Variants in KLF12 observed in about 807,000 individuals in gnomAD.
The protein encoded by KLF12 is Krueppel-like factor 12.
KLF12 carries 9 observed loss-of-function variants against 37.8 expected under a neutral mutation model. That is an observed-to-expected ratio of 0.24 (90% CI 0.14 to 0.42). The LOEUF (loss-of-function observed/expected upper bound fraction) is 0.42, where lower values mean the gene tolerates loss of function less well. KLF12 is among the 10% of genes least tolerant of loss of function. The probability of loss-of-function intolerance (pLI) is 1.00; values close to 1 mark genes in which losing one functional copy is unlikely to be tolerated. For synonymous variants in KLF12, 208 were observed against 202.1 expected (o/e 1.03, Z -0.25); for missense variants, 411 against 516.0 (o/e 0.80, Z 1.97).
At chr13:73,722,958 A>G (rs1876379929) in intron 6 of KLF12, among the ~76,000 whole-genome samples, 1 of 152,224 alleles carries the variant, frequency 6.6e-6, no homozygotes, top group South Asian at 2.1e-4. Flanking sequence ...CTTAAATATA[A>G]CAGCAGCCAC....
At chr13:74,246,303 C>CA in the KLF12 span, among the ~76,000 whole-genome samples, 1 of 152,174 alleles carries the variant, frequency 6.6e-6, no homozygotes, top group Non-Finnish European at 1.5e-5. Context: ...TTCTTGTACT[C>CA]AGAGTGTCAG....
intron 6 of KLF12, among the ~76,000 whole-genome samples, chr13:73,757,645 G>A (rs1879262903): frequency 6.6e-6 from 1 of 152,202 alleles, no homozygotes; most frequent in African/African-American, 2.4e-5. Context: ...CTGGCACATG[G>A]AGCATTCCTG....
rs142366248 is a variant in KLF12 at position 73,785,335 on chromosome 13, A to G, written c.807-20335T>C. On this transcript the variant is annotated intron_variant, in intron 5 of 7. Coordinates refer to ENST00000377669, the MANE Select transcript of KLF12 (RefSeq NM_007249.5). Reference sequence around the variant, plus strand: ...CCCTATGTTATCCAGGCTGGTCTTGAACTTCTGGACTCAAGTGATCCGCTC... The same window carrying G: ...CCCTATGTTATCCAGGCTGGTCTTGGACTTCTGGACTCAAGTGATCCGCTC... Among the ~76,000 whole-genome samples, 355 of 151,962 alleles carry G rather than the reference A, an allele frequency of 2.3e-3. 1 individual carries two copies. Among genetic ancestry groups the G allele is most frequent in the African/African-American group, 2.9e-3 (119 of 41,480 alleles).
intron 1 of KLF12, among the ~76,000 whole-genome samples, chr13:74,044,643 G>A (rs1236681338): frequency 6.6e-6 from 1 of 151,974 alleles, no homozygotes; most frequent in Non-Finnish European, 1.5e-5. Flanking sequence ...TCAGGAGATC[G>A]AGACCATCCT....
the KLF12 span, chr13:74,231,797 T>C: frequency 1.3e-5 from 2 of 152,176 alleles, no homozygotes; most frequent in African/African-American, 4.8e-5. Flanking sequence ...GAATTATTAT[T>C]ATATGCTTGC....
chr13:73,829,564 T>C (rs766439464), intron 4 of KLF12, among the ~76,000 whole-genome samples: 8 of 152,190 alleles, frequency 5.3e-5, no homozygotes, highest in East Asian at 1.9e-4. Context: ...CATTTATACA[T>C]AGATGCATAA....
intron 1 of KLF12, among the ~76,000 whole-genome samples, chr13:74,069,300 C>T (rs916996840): frequency 1.7e-4 from 26 of 152,124 alleles, no homozygotes; most frequent in African/African-American, 6.0e-4. Context: ...TGACTATGCA[C>T]CGATCCTGGA....
At chr13:74,080,786 T>G (rs929974197) in intron 1 of KLF12, among the ~76,000 whole-genome samples, 19 of 152,242 alleles carry the variant, frequency 1.2e-4, no homozygotes, top group African/African-American at 4.3e-4. Context: ...ACATAAAGTA[T>G]TTCTATAAGC....
chr13:73,762,412 T>A (rs1360342100), intron 6 of KLF12, among the ~76,000 whole-genome samples: 2 of 152,198 alleles, frequency 1.3e-5, no homozygotes, highest in Non-Finnish European at 1.5e-5. Context: ...AAACACTGGT[T>A]TGGGAACTCA....
chr13:74,012,032 AC>A (rs2138370792), intron 1 of KLF12, among the ~76,000 whole-genome samples: 1 of 152,226 alleles, frequency 6.6e-6, no homozygotes, highest in African/African-American at 2.4e-5. Flanking sequence ...TTTTATATAG[AC>A]CTTAAAACAT....
At chr13:73,763,790 AG>A (rs1566351108) in intron 6 of KLF12, among the ~76,000 whole-genome samples, 6 of 152,074 alleles carry the variant, frequency 3.9e-5, no homozygotes, top group African/African-American at 7.2e-5. Flanking sequence ...TTAGCTTTTC[AG>A]GCCGGACAGG....
the KLF12 span, among the ~76,000 whole-genome samples, chr13:74,208,754 T>G: frequency 6.6e-6 from 1 of 152,062 alleles, no homozygotes; most frequent in African/African-American, 2.4e-5. Flanking sequence ...ATGGGAGGAC[T>G]GTTTGAGGCC....
chr13:74,222,667 G>A, the KLF12 span, among the ~76,000 whole-genome samples: 3 of 152,154 alleles, frequency 2.0e-5, no homozygotes, highest in Non-Finnish European at 4.4e-5. Context: ...AGTGCATTAC[G>A]TTTTCAGATA....
At chr13:73,872,479 A>G (rs1179151854) in intron 3 of KLF12, among the ~76,000 whole-genome samples, 1 of 152,162 alleles carries the variant, frequency 6.6e-6, no homozygotes, top group African/African-American at 2.4e-5. Context: ...AAGGTGGGTG[A>G]CCCCTCACAT....
chr13:73,927,889 C>T lies in KLF12; in HGVS notation c.123+16092G>A, dbSNP rs191944682. The stretch of plus-strand genomic sequence containing the variant: ...TTTTTTTTTTTTTCAGACAGAGTCT[C>T]ACTCTGTCACCAGGCTGGAGTGCAG... On this transcript the variant is annotated intron_variant, in intron 3 of 7. Coordinates refer to ENST00000377669, the MANE Select transcript of KLF12 (RefSeq NM_007249.5). Among the ~76,000 whole-genome samples, 892 of 128,922 alleles carry T rather than the reference C, an allele frequency of 6.9e-3. 10 individuals carry two copies. The highest frequency in any genetic ancestry group is 9.1e-3 in the Non-Finnish European group (568 of 62,560). 84.6% of individuals were successfully genotyped at this position (128,922 alleles called of 152,430 possible).
chr13:73,999,025 A>G (rs1362113299), intron 1 of KLF12, among the ~76,000 whole-genome samples: 3 of 152,068 alleles, frequency 2.0e-5, no homozygotes, highest in East Asian at 3.9e-4. Context: ...CTGGACACAC[A>G]TAATTCTCTA....
intron 4 of KLF12, among the ~76,000 whole-genome samples, chr13:73,819,776 GAGA>G (rs1484119514): frequency 6.6e-6 from 1 of 152,236 alleles, no homozygotes; most frequent in East Asian, 1.9e-4. Flanking sequence ...AGGCCACATG[GAGA>G]AGAAGATACT....
At chr13:73,715,560 T>A in intron 6 of KLF12, 35 bp from the exon 7 acceptor site, 1 of 1,601,916 alleles carries the variant, frequency 6.2e-7, no homozygotes, top group Non-Finnish European at 8.5e-7. Context: ...CACGGTGAGA[T>A]GCACACCGCC....
chr13:74,295,253 G>C, the KLF12 span, among the ~76,000 whole-genome samples: 1 of 152,096 alleles, frequency 6.6e-6, no homozygotes, highest in African/African-American at 2.4e-5. Flanking sequence ...GCCTGACCAA[G>C]TTTTGCTTTT....
Sources: gnomAD v4.1 joint callset for allele counts (sites outside exome capture counted in the v4.1 genomes callset) on GRCh38, gnomAD v4.1.1 for gene constraint, MANE v1.5 for transcripts, NCBI Gene and HGNC (gene_info 2026-07-23, HGNC 2026-07-21) for gene names.